Variants in ZBTB40 observed in about 807,000 individuals in gnomAD.
ZBTB40 encodes the protein zinc finger and BTB domain containing 40.
In ZBTB40, 60 loss-of-function variants were observed where a neutral mutation model predicts 117.5. The ratio of observed to expected loss-of-function variants is 0.51; its 90% CI spans 0.41 to 0.63. The LOEUF is 0.63. ZBTB40 is among the 30% of genes least tolerant of loss of function. The pLI is 0.00. For missense variants in ZBTB40, 1,287 were observed against 1,498.5 expected, an observed-to-expected ratio of 0.86 and a Z score of 2.33; for synonymous variants, 525 against 577.1, an observed-to-expected ratio of 0.91 and a Z score of 1.29.
intron 1 of ZBTB40, among the ~76,000 whole-genome samples, chr1:22,434,193 T>C (rs991881680): frequency 2.6e-5 from 4 of 152,222 alleles, no homozygotes; most frequent in Non-Finnish European, 5.9e-5. Flanking sequence ...AATAATACTA[T>C]GAATTAATCG....
intron 9 of ZBTB40, 114 bp downstream of exon 9, chr1:22,509,347 T>G: frequency 2.0e-6 from 3 of 1,471,724 alleles, no homozygotes; most frequent in Non-Finnish European, 9.4e-7. Context: ...CCTTCTTTTT[T>G]TTTCCTTTTT....
chr1:22,490,767 C>T (rs1173047140), intron 2 of ZBTB40, 122 bp downstream of exon 2: 5 of 1,035,792 alleles, frequency 4.8e-6, no homozygotes, highest in African/African-American at 1.6e-5. Flanking sequence ...CAGTGCAGTA[C>T]CGTACTGGGC....
At chr1:22,462,716 G>A (rs1334471380) in intron 1 of ZBTB40, among the ~76,000 whole-genome samples, 1 of 152,166 alleles carries the variant, frequency 6.6e-6, no homozygotes, top group Non-Finnish European at 1.5e-5. Context: ...ATGAGTTTAA[G>A]GTTTTGTATG....
chr1:22,509,083 A>C lies in ZBTB40; in HGVS notation c.1700-17A>C, dbSNP rs1302203856. The C allele has an allele frequency of 6.2e-7, 1 of 1,614,002 alleles. No homozygotes were observed. On this transcript the variant is annotated splice_polypyrimidine_tract_variant and intron_variant, in intron 8 of 17. Coordinates refer to ENST00000375647, the MANE Select transcript of ZBTB40 (RefSeq NM_014870.4). The stretch of plus-strand genomic sequence containing the variant: ...TCATTGTTTGCCTAATGAGTTTTTG[A>C]TCCCCCTTTTTTTCAGTGACCACCC...
intron 1 of ZBTB40, among the ~76,000 whole-genome samples, chr1:22,471,911 G>A (rs920602293): frequency 2.0e-5 from 3 of 152,234 alleles, no homozygotes; most frequent in Admixed American, 6.5e-5. Context: ...GGGGCTGTGG[G>A]AAGCAGCCTT....
intron 1 of ZBTB40, among the ~76,000 whole-genome samples, chr1:22,431,384 G>GTGTGTGTATATATA (rs1222294324): frequency 4.2e-5 from 5 of 119,710 alleles, no homozygotes; most frequent in African/African-American, 1.9e-4. Context: ...GTGTGTGTGT[G>GTGTGTGTATATATA]TATATATATA....
rs139902582 is a variant in ZBTB40 at position 22,513,967 on chromosome 1, C to T, written c.2668+837C>T. ...GAGAAGGACCCTGACTAAGCACCTA[C>T]CGTGGATCAGACAGTGGCAGATGCC... On this transcript the variant is annotated intron_variant, in intron 12 of 17. Transcript: ENST00000375647. The surrounding 1 kb of genome is among the most constrained non-coding windows in gnomAD (Gnocchi z 4.9). Among the ~76,000 whole-genome samples the T allele has an allele frequency of 1.3e-5, 2 of 152,344 alleles. No homozygotes were observed. The highest frequency in any genetic ancestry group is 4.8e-5 in the African/African-American group (2 of 41,586).
intron 16 of ZBTB40, among the ~76,000 whole-genome samples, chr1:22,523,538 A>G (rs11801390): frequency 0.023 from 3,483 of 152,294 alleles, 139 homozygotes; most frequent in African/African-American, 0.078. Context: ...TGATGATGGA[A>G]CGCATAATAT....
At chr1:22,432,924 C>T (rs913739197) in intron 1 of ZBTB40, among the ~76,000 whole-genome samples, 2 of 152,110 alleles carry the variant, frequency 1.3e-5, no homozygotes, top group African/African-American at 4.8e-5. Context: ...AAGCAAGTCA[C>T]GTAGTTGCAA....
chr1:22,443,544 A>G (rs1472267310), intron 1 of ZBTB40, among the ~76,000 whole-genome samples: 1 of 152,242 alleles, frequency 6.6e-6, no homozygotes, highest in Non-Finnish European at 1.5e-5. Context: ...TGTTCTTGTT[A>G]TGCACATGAA....
At chr1:22,435,991 C>G (rs1299170807) in intron 1 of ZBTB40, among the ~76,000 whole-genome samples, 1 of 151,390 alleles carries the variant, frequency 6.6e-6, no homozygotes, top group Non-Finnish European at 1.5e-5. Flanking sequence ...GCAGGAGAAT[C>G]ATAACTGACA....
intron 1 of ZBTB40, among the ~76,000 whole-genome samples, chr1:22,480,486 T>G (rs141000270): frequency 4.2e-4 from 64 of 152,280 alleles, no homozygotes; most frequent in African/African-American, 1.4e-3. Flanking sequence ...ATTATGAGCT[T>G]CTTTTCTGTG....
At chr1:22,456,758 T>C (rs1641013577) in intron 1 of ZBTB40, among the ~76,000 whole-genome samples, 1 of 152,232 alleles carries the variant, frequency 6.6e-6, no homozygotes, top group South Asian at 2.1e-4. Context: ...ATCTGCCCAT[T>C]GAACTGCTTC....
chr1:22,502,108 A>C (rs1638951848), intron 4 of ZBTB40, among the ~76,000 whole-genome samples, 191 bp from the exon 5 acceptor site: 1 of 152,214 alleles, frequency 6.6e-6, no homozygotes, highest in Non-Finnish European at 1.5e-5. Context: ...TAAATGAAAC[A>C]TTTTTCCTTT....
In ZBTB40 at chr1:22,511,781, G is replaced by T. The variant is rs1192217426; in HGVS notation, c.2108G>T (p.Ser703Ile). 2 of 1,611,544 alleles carry T rather than the reference G, an allele frequency of 1.2e-6. No individual in the cohort carries two copies. Among genetic ancestry groups the T allele is most frequent in the East Asian group, 2.2e-5 (1 of 44,868 alleles). Residue 703 changes from serine (S) to isoleucine (I), a missense_variant, in exon 11 of 18, where the codon AGC becomes ATC. By Grantham distance (142) the Ser-to-Ile change is moderately radical (BLOSUM62 -2). Coordinates refer to ENST00000375647, the MANE Select transcript of ZBTB40 (RefSeq NM_014870.4). Reference protein sequence around the residue: ...KEDEKAAKEDSQPGEQNDQGE... With the variant: ...KEDEKAAKEDIQPGEQNDQGE... ...GATGAAAAGGCAGCCAAAGAAGACAGCCAGCCTGGGGAACAGAATGATCAA... is the reference window on the plus strand; with the variant it reads ...GATGAAAAGGCAGCCAAAGAAGACATCCAGCCTGGGGAACAGAATGATCAA...
rs57704010 is a variant in ZBTB40, at chr1:22,474,943, TA to T, written c.-69-14923del. Reference sequence around the variant, plus strand: ...AGATAGGGATTACCAGTACCAACAATAAAAAAAAAAAAAACAGGTAAGCTTG... The same window carrying T: ...AGATAGGGATTACCAGTACCAACAATAAAAAAAAAAAAACAGGTAAGCTTG... On this transcript the variant is annotated intron_variant, in intron 1 of 17. Coordinates refer to ENST00000375647, the MANE Select transcript of ZBTB40 (RefSeq NM_014870.4). 9.5e-3 allele frequency among the ~76,000 whole-genome samples: 1,339 copies of T among 141,118 alleles called. 11 individuals carry two copies. The highest frequency in any genetic ancestry group is 0.032 in the African/African-American group (1,236 of 38,740). 92.6% of individuals were successfully genotyped at this position (141,118 alleles called of 152,430 possible).
chr1:22,501,785 A>T lies in ZBTB40; in HGVS notation c.1024+101A>T, dbSNP rs182321567. On this transcript the variant is annotated intron_variant, in intron 4 of 17. Transcript: ENST00000375647. ...TGTTTCTTTGGTGGCTTAGTTATTA[A>T]GTGGTTTTCACATAAGTTTCACATG... The T allele has an allele frequency of 3.6e-4, 482 of 1,323,854 alleles. 3 individuals are homozygous for T. The African/African-American group carries it at 6.1e-3, about 17-fold the overall frequency. 82.0% of individuals were successfully genotyped at this position (1,323,854 alleles called of 1,614,324 possible). A position where few individuals can be genotyped will look rare whatever the true frequency, so the allele number is the denominator to read the frequency against.
intron 1 of ZBTB40, among the ~76,000 whole-genome samples, chr1:22,452,323 C>T (rs1377619314): frequency 6.6e-6 from 1 of 152,230 alleles, no homozygotes; most frequent in East Asian, 1.9e-4. Flanking sequence ...GGCCTCTTGT[C>T]GCTGTCTCAC....
In ZBTB40 at chr1:22,467,948, G is replaced by C. The variant is rs75905076; in HGVS notation, c.-70+15944G>C. ...GTCTACAAATCAAAAAATTAGTCAG[G>C]TGTAGTGGCTCATGCCTGTAGTCCT... is the stretch of plus-strand genomic sequence containing the variant. On this transcript the variant is annotated intron_variant, in intron 1 of 17. Transcript: ENST00000375647. Among the ~76,000 whole-genome samples the C allele has an allele frequency of 1.7e-3, 264 of 152,016 alleles. 5 individuals are homozygous for C. The East Asian group carries it at 0.046, about 26-fold the overall frequency.
Sources: gnomAD v4.1 joint callset for allele counts (sites outside exome capture counted in the v4.1 genomes callset) on GRCh38, gnomAD v4.1.1 for gene constraint, Gnocchi (gnomAD v3.1) non-coding constraint, MANE v1.5 for transcripts, NCBI Gene and HGNC (gene_info 2026-07-23, HGNC 2026-07-21) for gene names.